Variants in COL19A1 observed in about 807,000 individuals in gnomAD.
COL19A1 encodes collagen alpha-1(XIX) chain.
In COL19A1, 159 loss-of-function variants were observed where a neutral mutation model predicts 190.2. That is an observed-to-expected ratio of 0.84 (90% confidence interval 0.73 to 0.95). The LOEUF (loss-of-function observed/expected upper bound fraction) is 0.95, where lower values mean the gene tolerates loss of function less well. Among genes scored for constraint, COL19A1 ranks in the 40% least tolerant of loss-of-function variants. The pLI is 0.00. For synonymous variants in COL19A1, 509 were observed against 458.9 expected (o/e 1.11, Z -1.39); for missense variants, 1,418 against 1,431.9 (o/e 0.99, Z 0.16).
chr6:69,883,637 C>G (rs557627089), intron 2 of COL19A1, among the ~76,000 whole-genome samples: 4 of 152,074 alleles, frequency 2.6e-5, no homozygotes, highest in Non-Finnish European at 4.4e-5. Context: ...ATACAAGAAC[C>G]CTCACTAAAC....
At chr6:69,898,237 A>G (rs1769923325) in intron 2 of COL19A1, among the ~76,000 whole-genome samples, 1 of 152,176 alleles carries the variant, frequency 6.6e-6, no homozygotes, top group African/African-American at 2.4e-5. Flanking sequence ...AATTGGCTGT[A>G]ATTTTGTCTG....
chr6:70,172,277 C>T (rs145445739), intron 41 of COL19A1, among the ~76,000 whole-genome samples: 7 of 152,034 alleles, frequency 4.6e-5, no homozygotes, highest in South Asian at 2.1e-4. Context: ...GGAATGCTGA[C>T]GGGGTAGGAG....
At chr6:69,993,604 T>G (rs1176913887) in intron 11 of COL19A1, among the ~76,000 whole-genome samples, 4 of 152,082 alleles carry the variant, frequency 2.6e-5, no homozygotes, top group Non-Finnish European at 1.5e-5. Context: ...TACTAGTTGG[T>G]AAGCTTTTCA....
At chr6:69,920,904 A>C (rs1027963534) in intron 4 of COL19A1, among the ~76,000 whole-genome samples, 2 of 133,896 alleles carry the variant, frequency 1.5e-5, no homozygotes, top group African/African-American at 5.6e-5. Context: ...TCATATATAT[A>C]TATTCATCTA....
chr6:69,883,259 G>A (rs1023411849), intron 2 of COL19A1, among the ~76,000 whole-genome samples: 4 of 152,192 alleles, frequency 2.6e-5, no homozygotes, highest in African/African-American at 7.2e-5. Flanking sequence ...TGTGCTTTCT[G>A]TGTTGTCAAA....
chr6:70,052,336 G>C (rs985610018), intron 14 of COL19A1, among the ~76,000 whole-genome samples: 1 of 152,142 alleles, frequency 6.6e-6, no homozygotes, highest in African/African-American at 2.4e-5. Context: ...ACCTAGAGCA[G>C]TTAGTGCCTC....
chr6:70,195,135 T>TTA (rs1583143242), intron 48 of COL19A1, among the ~76,000 whole-genome samples: 7 of 114,002 alleles, frequency 6.1e-5, no homozygotes, highest in East Asian at 4.5e-4. Context: ...ACATCATTGA[T>TTA]GATATATATA....
intron 15 of COL19A1, among the ~76,000 whole-genome samples, chr6:70,069,346 G>A (rs529998712): frequency 1.3e-5 from 2 of 152,202 alleles, no homozygotes; most frequent in South Asian, 2.1e-4. Context: ...TCTGCCTTCT[G>A]TAAAATAAGT....
At chr6:69,966,463 C>A (rs1367399567) in intron 11 of COL19A1, among the ~76,000 whole-genome samples, 1 of 152,140 alleles carries the variant, frequency 6.6e-6, no homozygotes, top group African/African-American at 2.4e-5. Flanking sequence ...TTAATTATAA[C>A]CTTACCCCCA....
chr6:70,147,319 C>T (rs1157698318), intron 27 of COL19A1, among the ~76,000 whole-genome samples: 3 of 152,082 alleles, frequency 2.0e-5, no homozygotes, highest in Non-Finnish European at 4.4e-5. Flanking sequence ...TGAGTAACGT[C>T]TTCAGAGTGA....
At chr6:70,108,615 T>C (rs1206992900) in intron 16 of COL19A1, among the ~76,000 whole-genome samples, 2 of 152,156 alleles carry the variant, frequency 1.3e-5, no homozygotes, top group African/African-American at 4.8e-5. Flanking sequence ...TAAATATAAG[T>C]GCTATTTCAT....
At chr6:70,125,414 C>T (rs1005871725) in intron 17 of COL19A1, among the ~76,000 whole-genome samples, 6 of 152,138 alleles carry the variant, frequency 3.9e-5, no homozygotes, top group Non-Finnish European at 8.8e-5. Flanking sequence ...ATTCCGAGCT[C>T]AGAGAGCCCA....
At chr6:70,206,715 A>T (rs528164041) in intron 49 of COL19A1, among the ~76,000 whole-genome samples, 186 bp from the exon 50 acceptor site, 1 of 151,402 alleles carries the variant, frequency 6.6e-6, no homozygotes, top group Admixed American at 6.6e-5. Context: ...TCATTGCCCT[A>T]TTATACCCAA....
intron 4 of COL19A1, among the ~76,000 whole-genome samples, chr6:69,914,669 T>TG (rs111951828): frequency 0.3 from 45,703 of 152,058 alleles, 8,237 homozygotes; most frequent in African/African-American, 0.5. Flanking sequence ...AGCTTAGTCT[T>TG]TTAAATATGA....
intron 15 of COL19A1, among the ~76,000 whole-genome samples, chr6:70,071,637 A>G (rs1781562596): frequency 6.6e-6 from 1 of 152,218 alleles, no homozygotes; most frequent in African/African-American, 2.4e-5. Context: ...TTAGTCTTAC[A>G]TCCTTTATGG....
intron 4 of COL19A1, among the ~76,000 whole-genome samples, chr6:69,910,520 T>C (rs1447335914): frequency 6.6e-6 from 1 of 152,222 alleles, no homozygotes; most frequent in East Asian, 1.9e-4. Flanking sequence ...ATATGCCATT[T>C]ACTTTGATAG....
intron 9 of COL19A1, among the ~76,000 whole-genome samples, chr6:69,958,683 CTTTGATAA>C: frequency 6.6e-6 from 1 of 152,242 alleles, no homozygotes; most frequent in Middle Eastern, 3.4e-3. Context: ...CCGTAGAATA[CTTTGATAA>C]TTTAATCTAA....
intron 7 of COL19A1, among the ~76,000 whole-genome samples, chr6:69,936,201 C>A: frequency 6.6e-6 from 1 of 152,070 alleles, no homozygotes; most frequent in Middle Eastern, 3.2e-3. Context: ...ATGCTCTGAA[C>A]CCACTGGATA....
chr6:70,088,249 A>C (rs990000978), intron 15 of COL19A1, among the ~76,000 whole-genome samples: 3 of 152,142 alleles, frequency 2.0e-5, no homozygotes, highest in Non-Finnish European at 2.9e-5. Flanking sequence ...CTAGCCCACT[A>C]TCTTTAGGCA....
Sources: gnomAD v4.1 joint callset for allele counts (sites outside exome capture counted in the v4.1 genomes callset) on GRCh38, gnomAD v4.1.1 for gene constraint, MANE v1.5 for transcripts, NCBI Gene and HGNC (gene_info 2026-07-23, HGNC 2026-07-21) for gene names.